Variants in DPY19L2 observed in about 807,000 individuals in gnomAD.
DPY19L2 encodes the protein dpy-19 like 2.
DPY19L2 carries 34 observed loss-of-function variants against 97.9 expected under a neutral mutation model. That is an observed-to-expected ratio of 0.35 (90% confidence interval 0.26 to 0.46). The LOEUF (loss-of-function observed/expected upper bound fraction) is 0.46. DPY19L2 is among the 20% of genes least tolerant of loss of function. The probability of loss-of-function intolerance (pLI) is 1.00; values close to 1 mark genes in which losing one functional copy is unlikely to be tolerated. For synonymous variants in DPY19L2, 230 were observed against 307.9 expected (o/e 0.75, Z 2.65); for missense variants, 623 against 911.4 (o/e 0.68, Z 4.07).
chr12:63,656,887 C>G (rs1401190619), intron 4 of DPY19L2, among the ~76,000 whole-genome samples: 1 of 141,080 alleles, frequency 7.1e-6, no homozygotes, highest in Non-Finnish European at 1.5e-5. Context: ...CTTATAGTGT[C>G]CAACTCTGCT....
intron 4 of DPY19L2, among the ~76,000 whole-genome samples, chr12:63,652,468 C>A (rs1894386768): frequency 6.6e-6 from 1 of 152,168 alleles, no homozygotes; most frequent in Non-Finnish European, 1.5e-5. Context: ...AAGACACATG[C>A]ACATGTATGT....
chr12:63,630,591 G>C (rs990040401), intron 6 of DPY19L2, among the ~76,000 whole-genome samples: 1 of 151,966 alleles, frequency 6.6e-6, no homozygotes, highest in Non-Finnish European at 1.5e-5. Flanking sequence ...CCTACAAAGA[G>C]ACTTAGACTC....
At chr12:63,609,279 A>G (rs1255573148) in intron 11 of DPY19L2, among the ~76,000 whole-genome samples, 4 of 152,072 alleles carry the variant, frequency 2.6e-5, no homozygotes, top group African/African-American at 4.8e-5. Flanking sequence ...ATGCAAGGTA[A>G]GAAGTTGGGA....
At chr12:63,636,261 A>G (rs1427060303) in intron 6 of DPY19L2, among the ~76,000 whole-genome samples, 1 of 152,174 alleles carries the variant, frequency 6.6e-6, no homozygotes, top group East Asian at 1.9e-4. Context: ...CTGCCTTACA[A>G]GAGCTCCTGA....
chr12:63,589,357 CAAAAAAAAAAAAAAAAA>C (rs71086687), intron 16 of DPY19L2, among the ~76,000 whole-genome samples: 1,445 of 19,054 alleles, frequency 0.076, 38 homozygotes, highest in Admixed American at 0.12. Flanking sequence ...AAATGTGTTG[CAAAAAAAAAAAAAAAAA>C]AAAAAAAAAA....
At chr12:63,655,155 G>A (rs922298014) in intron 4 of DPY19L2, among the ~76,000 whole-genome samples, 2 of 152,068 alleles carry the variant, frequency 1.3e-5, no homozygotes, top group Non-Finnish European at 2.9e-5. Context: ...AATTCAAATA[G>A]AAATGGAGCA....
At chr12:63,661,930 A>G (rs1005240588) in intron 3 of DPY19L2, among the ~76,000 whole-genome samples, 1 of 152,152 alleles carries the variant, frequency 6.6e-6, no homozygotes, top group Non-Finnish European at 1.5e-5. Context: ...AATAAAATAT[A>G]ATGACCATAA....
chr12:63,600,790 T>G (rs1885039206), intron 12 of DPY19L2, among the ~76,000 whole-genome samples: 2 of 122,874 alleles, frequency 1.6e-5, no homozygotes, highest in Admixed American at 1.6e-4. Context: ...AAAGGAAGTT[T>G]TTTTTTTTTT....
At chr12:63,635,505 TTCGAACCCA>T (rs1891499267) in intron 6 of DPY19L2, among the ~76,000 whole-genome samples, 1 of 152,024 alleles carries the variant, frequency 6.6e-6, no homozygotes, top group Admixed American at 6.6e-5. Context: ...AAGGAGGGTG[TTCGAACCCA>T]TCGCAAAGAA....
chr12:63,610,912 C>G (rs1886907452), intron 11 of DPY19L2, among the ~76,000 whole-genome samples: 1 of 76,324 alleles, frequency 1.3e-5, no homozygotes, highest in African/African-American at 4.5e-5. Context: ...TAAAAATGAG[C>G]AAAGGACTTG....
intron 18 of DPY19L2, among the ~76,000 whole-genome samples, chr12:63,581,181 A>T (rs1385757387): frequency 1.3e-5 from 2 of 152,188 alleles, no homozygotes; most frequent in Non-Finnish European, 2.9e-5. Context: ...GGACATGGTT[A>T]GTAGACAGGG....
chr12:63,668,401 G>C lies in DPY19L2; in HGVS notation c.-8C>G. 1 of 1,594,540 alleles carries C rather than the reference G, an allele frequency of 6.3e-7. No homozygotes were observed. Among genetic ancestry groups the C allele is most frequent in the Non-Finnish European group, 8.5e-7 (1 of 1,170,776 alleles). On this transcript the variant is annotated 5_prime_UTR_variant, in exon 1 of 22. Coordinates refer to ENST00000324472, the MANE Select transcript of DPY19L2 (RefSeq NM_173812.5). ...TACTCCTTGTTTTCTCATAATCAAG[G>C]AGTATGGTGGAGCTGGGTCAATTTC...
rs1410694230 is a variant in DPY19L2, at chr12:63,596,001, C to G, written c.1498G>C (p.Val500Leu). Residue 500 changes from valine to leucine, a missense_variant, in exon 15 of 22, where the codon GTT becomes CTT. Physicochemically the swap from Val to Leu is conservative, Grantham distance 32 (BLOSUM62 1). Around this residue, in one of 6 missense-constraint regions of DPY19L2, gnomAD observed 294 missense variants for 446.2 expected, o/e 0.66. Coordinates refer to ENST00000324472, the MANE Select transcript of DPY19L2 (RefSeq NM_173812.5). Reference sequence around the variant, plus strand: ...ATAAAACATGTAATCACCATAACAACTGGAAGCAATAATGTCTTTGTGTAT... The same window carrying G: ...ATAAAACATGTAATCACCATAACAAGTGGAAGCAATAATGTCTTTGTGTAT... ...LRYTKTLLLP[V>L]VMVITCFIFK... 3.1e-6 allele frequency: 5 copies of G among 1,599,696 alleles called. No homozygotes were observed. Among genetic ancestry groups the G allele is most frequent in the Non-Finnish European group, 3.4e-6 (4 of 1,173,458 alleles).
rs1476637744 is a variant in DPY19L2, at chr12:63,646,298, A to T, written c.709+947T>A. The stretch of plus-strand genomic sequence containing the variant: ...TTAGGTGATCATTTTCACCACTCAG[A>T]CAGGGTCACACCTTCCAGCTGATTG... On this transcript the variant is annotated intron_variant, in intron 5 of 21. Coordinates refer to ENST00000324472, the MANE Select transcript of DPY19L2 (RefSeq NM_173812.5). 4.3e-4 allele frequency among the ~76,000 whole-genome samples: 66 copies of T among 152,134 alleles called. 1 individual carries two copies. Among genetic ancestry groups the T allele is most frequent in the Non-Finnish European group, 8.2e-4 (56 of 68,012 alleles).
intron 9 of DPY19L2, among the ~76,000 whole-genome samples, chr12:63,619,581 G>A (rs533079427): frequency 9.3e-5 from 14 of 150,992 alleles, no homozygotes; most frequent in African/African-American, 2.2e-4. Flanking sequence ...GTGCAATCTC[G>A]GCTCACTACA....
intron 6 of DPY19L2, among the ~76,000 whole-genome samples, chr12:63,634,653 A>C (rs1325811851): frequency 1.3e-5 from 2 of 152,152 alleles, no homozygotes; most frequent in Non-Finnish European, 2.9e-5. Flanking sequence ...ATGGCTCAGA[A>C]GGTCCCATGC....
At chr12:63,628,550 G>A (rs1890000384) in intron 6 of DPY19L2, among the ~76,000 whole-genome samples, 1 of 152,128 alleles carries the variant, frequency 6.6e-6, no homozygotes, top group African/African-American at 2.4e-5. Context: ...GGCTTGAGTA[G>A]GTAAACAAAG....
At chr12:63,636,695 T>G (rs7980372) in intron 6 of DPY19L2, among the ~76,000 whole-genome samples, 105,391 of 151,904 alleles carry the variant, frequency 0.69, 37,130 homozygotes, top group African/African-American at 0.8. Flanking sequence ...AGAAGGCCAT[T>G]ACATAATGGT....
intron 4 of DPY19L2, among the ~76,000 whole-genome samples, chr12:63,657,825 T>C (rs1211015840): frequency 6.6e-6 from 1 of 152,204 alleles, no homozygotes; most frequent in Non-Finnish European, 1.5e-5. Context: ...CAGCTCACAC[T>C]AAGCCTGTAG....
Sources: gnomAD v4.1 joint callset for allele counts (sites outside exome capture counted in the v4.1 genomes callset) on GRCh38, gnomAD v4.1.1 for gene constraint, gnomAD v4.1.1 regional missense constraint, MANE v1.5 for transcripts, NCBI Gene and HGNC (gene_info 2026-07-23, HGNC 2026-07-21) for gene names.